The following TNFSF10 variants were observed in gnomAD, a reference collection of about 807,000 sequenced individuals.
TNFSF10 encodes the protein tumor necrosis factor ligand superfamily member 10.
A neutral mutation model predicts 29.5 loss-of-function variants in TNFSF10; 13 were observed. That is an observed-to-expected ratio of 0.44 (90% CI 0.29 to 0.70). The LOEUF is 0.70. Among genes scored for constraint, TNFSF10 ranks in the 30% least tolerant of loss-of-function variants. The probability of loss-of-function intolerance (pLI) is 0.13; values close to 1 mark genes in which losing one functional copy is unlikely to be tolerated. For synonymous variants in TNFSF10, 111 were observed against 112.8 expected (o/e 0.98, Z 0.10); for missense variants, 345 against 330.9 (o/e 1.04, Z -0.33).
At chr3:172,508,254 C>A (rs1380360956) in intron 4 of TNFSF10, among the ~76,000 whole-genome samples, 1 of 151,372 alleles carries the variant, frequency 6.6e-6, no homozygotes, top group Non-Finnish European at 1.5e-5. Flanking sequence ...GAGATGGCAC[C>A]ATTGCACTCC....
chr3:172,518,444 T>C (rs1455805953), intron 1 of TNFSF10: 3 of 1,289,424 alleles, frequency 2.3e-6, no homozygotes, highest in East Asian at 5.5e-5. Context: ...GACATTAGTC[T>C]CTGGCAATCA....
chr3:172,506,136 T>A lies in TNFSF10; in HGVS notation c.*356A>T, dbSNP rs1131542. 14 of 186,908 alleles carry A rather than the reference T, an allele frequency of 7.5e-5. No homozygotes were observed. The highest frequency in any genetic ancestry group is 3.4e-4 in the Admixed American group (6 of 17,512). 11.6% of individuals were successfully genotyped at this position (186,908 alleles called of 1,614,324 possible). On this transcript the variant is annotated 3_prime_UTR_variant, in exon 5 of 5. Transcript: ENST00000241261. Reference sequence around the variant, plus strand: ...CACTACTTGAGAGATGGATTGTTGCTCTTTCTTCTACAGTCTTTACAAGGA... The same window carrying A: ...CACTACTTGAGAGATGGATTGTTGCACTTTCTTCTACAGTCTTTACAAGGA...
intron 2 of TNFSF10, among the ~76,000 whole-genome samples, chr3:172,512,840 T>C (rs1713280816): frequency 6.6e-6 from 1 of 152,250 alleles, no homozygotes; most frequent in African/African-American, 2.4e-5. Context: ...TGCCCTGCAT[T>C]CAAATGTTTC....
At position 172,514,853 on chromosome 3, in the gene TNFSF10, T is replaced by C; in HGVS notation, c.270+8A>G. 2.5e-6 allele frequency: 4 copies of C among 1,614,064 alleles called. No homozygotes were observed. The highest frequency in any genetic ancestry group is 3.4e-6 in the Non-Finnish European group (4 of 1,179,974). ...CTGCTGGTGAGGTCACCTGGTGAGG[T>C]TACCTACCTTTCTAACGAGCTGACG... is the stretch of plus-strand genomic sequence containing the variant. On this transcript the variant is annotated splice_region_variant and intron_variant, in intron 2 of 4. Transcript: ENST00000241261.
At chr3:172,508,303 CAAAAAAAA>C (rs10716802) in intron 4 of TNFSF10, among the ~76,000 whole-genome samples, 1 of 149,626 alleles carries the variant, frequency 6.7e-6, no homozygotes, top group Admixed American at 6.7e-5. Flanking sequence ...CTCAAAAAAA[CAAAAAAAA>C]AACAAAAAAA....
Position 172,523,262 on chromosome 3 carries a change from C to A in TNFSF10, c.123G>T (p.Glu41Asp), listed in dbSNP as rs1027217234. The change falls in exon 1 of 5, where the codon GAG (glutamate) becomes GAT (aspartate). Residue 41 changes from glutamate to aspartate, a missense_variant. Glu to Asp is a conservative substitution (Grantham distance 45). Transcript: ENST00000241261. ...VAVTYVYFTN[E>D]LKQMQDKYSK... ...ACTGCACTGCACTGACCTGCTTCAG[C>A]TCGTTGGTAAAGTACACGTAAGTTA... The A allele has an allele frequency of 6.2e-7, 1 of 1,613,614 alleles. No homozygotes were observed. The highest frequency in any genetic ancestry group is 8.5e-7 in the Non-Finnish European group (1 of 1,179,626).
chr3:172,506,644 A>G lies in TNFSF10; in HGVS notation c.694T>C (p.Ser232Pro), dbSNP rs751766638. ...LMKSARNSCW[S>P]KDAEYGLYSI... ...TAGAGTCCATATTCTGCATCTTTAG[A>G]CCAACAACTATTTCTAGCACTTTTC... The change falls in exon 5 of 5, where the codon TCT becomes CCT. Residue 232 changes from serine (S) to proline (P), a missense_variant. Physicochemically the swap from Ser to Pro is moderately conservative, Grantham distance 74. Coordinates refer to ENST00000241261, the MANE Select transcript of TNFSF10 (RefSeq NM_003810.4). 6.2e-7 allele frequency: 1 copy of G among 1,614,204 alleles called. No individual in the cohort carries two copies. The highest frequency in any genetic ancestry group is 1.1e-5 in the South Asian group (1 of 91,082).
chr3:172,509,170 T>C (rs1035440232), intron 4 of TNFSF10, 47 bp downstream of exon 4: 2 of 1,496,768 alleles, frequency 1.3e-6, no homozygotes, highest in Admixed American at 1.8e-5. Flanking sequence ...CTTGGCACAA[T>C]CCTTCCATTA....
chr3:172,515,944 G>C (rs1356485137), intron 1 of TNFSF10, among the ~76,000 whole-genome samples: 1 of 152,068 alleles, frequency 6.6e-6, no homozygotes, highest in Non-Finnish European at 1.5e-5. Flanking sequence ...AAGTGGGATG[G>C]AAGAGACGTT....
At chr3:172,518,481 A>G (rs146259756) in intron 1 of TNFSF10, 3 of 1,287,952 alleles carry the variant, frequency 2.3e-6, no homozygotes, top group South Asian at 2.5e-5. Context: ...AATAGCATAA[A>G]GGATCATTTA....
intron 1 of TNFSF10, among the ~76,000 whole-genome samples, chr3:172,519,832 C>T (rs1166080700): frequency 6.6e-6 from 1 of 152,228 alleles, no homozygotes; most frequent in Non-Finnish European, 1.5e-5. Flanking sequence ...TTATACTTTT[C>T]TGAGATCCTT....
chr3:172,511,026 G>C lies in TNFSF10; in HGVS notation c.313+591C>G, dbSNP rs113649965. 3.8e-3 allele frequency among the ~76,000 whole-genome samples: 574 copies of C among 152,288 alleles called. 6 individuals are homozygous for C. The highest frequency in any genetic ancestry group is 0.013 in the African/African-American group (559 of 41,556). ...CGTGAGCTGTAAAGTACGATGGAGT[G>C]CCAGATGGAAAGCTAAAGAAGCCAG... On this transcript the variant is annotated intron_variant, in intron 3 of 4. Coordinates refer to ENST00000241261, the MANE Select transcript of TNFSF10 (RefSeq NM_003810.4).
At chr3:172,511,841 T>C (rs969963926) in intron 2 of TNFSF10, among the ~76,000 whole-genome samples, 182 bp from the exon 3 acceptor site, 1 of 152,112 alleles carries the variant, frequency 6.6e-6, no homozygotes, top group African/African-American at 2.4e-5. Context: ...GGGATAAATA[T>C]TGAGATAGCT....
At chr3:172,515,417 G>T (rs1301084648) in intron 1 of TNFSF10, among the ~76,000 whole-genome samples, 1 of 152,118 alleles carries the variant, frequency 6.6e-6, no homozygotes, top group Non-Finnish European at 1.5e-5. Context: ...TAGATACAAG[G>T]TCGGTAGTGG....
At chr3:172,523,142 G>C (rs932581994) in intron 1 of TNFSF10, 111 bp downstream of exon 1, 21 of 1,348,760 alleles carry the variant, frequency 1.6e-5, no homozygotes, top group Non-Finnish European at 1.9e-5. Flanking sequence ...TGTACCCACA[G>C]AGAAAGGAAG....
chr3:172,509,372 A>C, intron 3 of TNFSF10, 51 bp from the exon 4 acceptor site: 1 of 1,454,504 alleles, frequency 6.9e-7, no homozygotes, highest in South Asian at 1.2e-5. Context: ...CTAGTTCTCC[A>C]ATACCTTGCT....
chr3:172,519,976 G>A (rs1466920703), intron 1 of TNFSF10, among the ~76,000 whole-genome samples: 9 of 152,310 alleles, frequency 5.9e-5, no homozygotes, highest in African/African-American at 2.2e-4. Flanking sequence ...TACAGACCTG[G>A]GTGCTAGCCG....
intron 2 of TNFSF10, among the ~76,000 whole-genome samples, chr3:172,513,100 C>T (rs1487864108): frequency 1.3e-5 from 2 of 152,164 alleles, no homozygotes; most frequent in Admixed American, 6.5e-5. Flanking sequence ...GTGTTCTCTC[C>T]CAGCTTCCCG....
rs1344403259 is a variant in TNFSF10, at chr3:172,505,695, T to C, written c.*797A>G. The C allele has an allele frequency of 6.6e-6, 1 of 151,400 alleles. No homozygotes were observed. The highest frequency in any genetic ancestry group is 2.4e-5 in the African/African-American group (1 of 41,276). The allele number at this position is 151,400 out of a possible 1,614,324, so 9.4% of individuals were successfully genotyped here. A position where few individuals can be genotyped will look rare whatever the true frequency, so the allele number is the denominator to read the frequency against. The stretch of plus-strand genomic sequence containing the variant: ...AACATGACATACTGTAATAGAATTT[T>C]ATTGAAAAAAATAACACGTACTTAC... On this transcript the variant is annotated 3_prime_UTR_variant, in exon 5 of 5. Transcript: ENST00000241261.
Sources: gnomAD v4.1 joint callset for allele counts (sites outside exome capture counted in the v4.1 genomes callset) on GRCh38, gnomAD v4.1.1 for gene constraint, MANE v1.5 for transcripts, NCBI Gene and HGNC (gene_info 2026-07-23, HGNC 2026-07-21) for gene names.